Variants in PDZD2 observed in about 807,000 individuals in gnomAD.
The protein encoded by PDZD2 is PDZ domain-containing protein 2.
Under a neutral mutation model 220.7 loss-of-function variants are expected in PDZD2, and 90 were observed. The ratio of observed to expected loss-of-function variants is 0.41; its 90% confidence interval spans 0.34 to 0.49. The LOEUF (loss-of-function observed/expected upper bound fraction) is 0.49, where lower values mean the gene tolerates loss of function less well. Among genes scored for constraint, PDZD2 ranks in the 20% least tolerant of loss-of-function variants. PDZD2 has a pLI of 0.28. For synonymous variants in PDZD2, 1,375 were observed against 1,450.5 expected (o/e 0.95, Z 1.18); for missense variants, 3,174 against 3,608.5 (o/e 0.88, Z 3.08).
intron 1 of PDZD2, chr5:31,725,705 G>T: frequency 1.1e-6 from 1 of 905,722 alleles, no homozygotes; most frequent in Non-Finnish European, 1.9e-6. Flanking sequence ...GATGCCTCTA[G>T]TTTTGGTATG....
chr5:31,668,051 G>A (rs932254695), intron 1 of PDZD2, among the ~76,000 whole-genome samples: 2 of 151,724 alleles, frequency 1.3e-5, no homozygotes, highest in Non-Finnish European at 2.9e-5. Context: ...TAGTAAAGAC[G>A]GGGGTTTCAC....
intron 1 of PDZD2, among the ~76,000 whole-genome samples, chr5:31,676,503 T>C: frequency 6.6e-6 from 1 of 151,654 alleles, no homozygotes; most frequent in African/African-American, 2.4e-5. Context: ...AGAGACATTG[T>C]AGGAAGATGA....
Position 31,704,134 on chromosome 5 carries a change from T to C in PDZD2, c.-361+64697T>C, listed in dbSNP as rs370113321. 2.6e-5 allele frequency among the ~76,000 whole-genome samples: 4 copies of C among 152,086 alleles called. No individual in the cohort carries two copies. The South Asian group carries it at 8.3e-4, about 32-fold the overall frequency. On this transcript the variant is annotated intron_variant, in intron 1 of 24. Transcript: ENST00000438447. ...CTCAAGCAGTCCTCCCTCCTTAGCC[T>C]CCTTGGTAGCTGAGACTACAGGAAT... is the stretch of plus-strand genomic sequence containing the variant.
rs776400734 is a variant in PDZD2 at position 32,088,610 on chromosome 5, C to T, written c.5162C>T (p.Pro1721Leu). The change falls in exon 20 of 25, where the codon CCG (proline) becomes CTG (leucine). Residue 1721 changes from proline (P) to leucine (L), a missense_variant. By Grantham distance (98) the Pro-to-Leu change is moderately conservative (BLOSUM62 -3). Transcript: ENST00000438447. The surrounding 1 kb of genome is among the most constrained non-coding windows in gnomAD (Gnocchi z 4.6). ...LSKVARHFHS[P>L]PIILSSPNMV... ...AAAGTAGCCAGGCATTTTCACAGTC[C>T]GCCCATCATTCTCAGCTCCCCCAAC... is the stretch of plus-strand genomic sequence containing the variant. 48 of 1,613,988 alleles carry T rather than the reference C, an allele frequency of 3.0e-5. No individual in the cohort carries two copies. The South Asian group carries it at 4.2e-4, about 14-fold the overall frequency.
intron 2 of PDZD2, among the ~76,000 whole-genome samples, chr5:31,957,835 G>A (rs138280673): frequency 1.3e-3 from 201 of 152,154 alleles, no homozygotes; most frequent in South Asian, 2.7e-3. Context: ...ATTTATACAG[G>A]AGCAATCTCT....
At chr5:31,709,776 T>C (rs1000558961) in intron 1 of PDZD2, among the ~76,000 whole-genome samples, 36 of 152,138 alleles carry the variant, frequency 2.4e-4, no homozygotes, top group African/African-American at 8.4e-4. Flanking sequence ...GCCAACATGG[T>C]GAAACCCTGT....
rs567989514 is a variant in PDZD2 at position 32,058,106 on chromosome 5, G to A, written c.2200+3G>A. Reference sequence around the variant, plus strand: ...CATGGAAGTAACACTCAACAAAGGTGATAGCAGCTATTCCTTACCTTTGTC... The same window carrying A: ...CATGGAAGTAACACTCAACAAAGGTAATAGCAGCTATTCCTTACCTTTGTC... On this transcript the variant is annotated splice_donor_region_variant and intron_variant, in intron 12 of 24. Coordinates refer to ENST00000438447, the MANE Select transcript of PDZD2 (RefSeq NM_178140.4). 2.8e-6 allele frequency: 4 copies of A among 1,404,992 alleles called. No individual in the cohort carries two copies. Among genetic ancestry groups the A allele is most frequent in the Admixed American group, 1.7e-5 (1 of 59,706 alleles). The allele number at this position is 1,404,992 out of a possible 1,614,324, so 87.0% of individuals were successfully genotyped here. A position where few individuals can be genotyped will look rare whatever the true frequency, so the allele number is the denominator to read the frequency against.
intron 1 of PDZD2, among the ~76,000 whole-genome samples, chr5:31,797,331 T>A (rs144861814): frequency 2.4e-3 from 361 of 152,060 alleles, no homozygotes; most frequent in African/African-American, 8.4e-3. Context: ...ATGTAAAGGA[T>A]CTTTTAAAAT....
At chr5:31,835,359 C>T (rs922092502) in intron 2 of PDZD2, among the ~76,000 whole-genome samples, 3 of 152,300 alleles carry the variant, frequency 2.0e-5, no homozygotes, top group South Asian at 2.1e-4. Context: ...GTGGCTCACA[C>T]CTGTAATCTC....
Position 32,109,978 on chromosome 5 carries a change from C to A in PDZD2, c.*1843C>A, listed in dbSNP as rs930148039. ...AAAGGTCTTATTGATTTTACTTCTA[C>A]TTTTCACTACAGTTACAGGTAGAAT... On this transcript the variant is annotated 3_prime_UTR_variant, in exon 25 of 25. Transcript: ENST00000438447. 9 of 152,610 alleles carry A rather than the reference C, an allele frequency of 5.9e-5. No individual in the cohort carries two copies. Among genetic ancestry groups the A allele is most frequent in the African/African-American group, 2.2e-4 (9 of 41,432 alleles). The allele number at this position is 152,610 out of a possible 1,614,324, so 9.5% of individuals were successfully genotyped here.
intron 1 of PDZD2, among the ~76,000 whole-genome samples, chr5:31,760,218 T>C (rs1751548226): frequency 7.1e-6 from 1 of 139,980 alleles, no homozygotes; most frequent in South Asian, 2.2e-4. Context: ...ACTGAGCATC[T>C]ACAGGGCACT....
At chr5:31,791,998 G>T (rs1753757782) in intron 1 of PDZD2, among the ~76,000 whole-genome samples, 1 of 152,198 alleles carries the variant, frequency 6.6e-6, no homozygotes, top group Non-Finnish European at 1.5e-5. Flanking sequence ...CTAAAGGAAT[G>T]TTGGTGTAAC....
chr5:31,943,691 G>T (rs1327997703), intron 2 of PDZD2, among the ~76,000 whole-genome samples: 1 of 152,244 alleles, frequency 6.6e-6, no homozygotes, highest in East Asian at 1.9e-4. Context: ...AGAGAAGGAA[G>T]TGATTTGACC....
chr5:32,072,349 C>T (rs1365544843), intron 17 of PDZD2, 32 bp downstream of exon 17: 3 of 1,564,698 alleles, frequency 1.9e-6, no homozygotes, highest in African/African-American at 1.4e-5. Flanking sequence ...GGCCTGGGCT[C>T]TGCATTCCAG....
intron 2 of PDZD2, among the ~76,000 whole-genome samples, chr5:31,955,222 C>T (rs1747553844): frequency 6.6e-6 from 1 of 151,968 alleles, no homozygotes; most frequent in Non-Finnish European, 1.5e-5. Context: ...ACATGTGACC[C>T]TCTAGAATGC....
intron 5 of PDZD2, among the ~76,000 whole-genome samples, chr5:32,003,184 CACACACACT>C (rs1479130951): frequency 3.2e-5 from 4 of 123,158 alleles, no homozygotes; most frequent in Non-Finnish European, 6.7e-5. Flanking sequence ...CCATACACCA[CACACACACT>C]ACACACACCA....
intron 2 of PDZD2, among the ~76,000 whole-genome samples, chr5:31,848,401 T>C (rs1235706832): frequency 6.6e-6 from 1 of 152,228 alleles, no homozygotes; most frequent in Non-Finnish European, 1.5e-5. Context: ...AAGGTGAACC[T>C]TGATTTGAAT....
At chr5:31,726,014 G>A (rs1374154577) in intron 1 of PDZD2, 3 of 412,912 alleles carry the variant, frequency 7.3e-6, no homozygotes, top group Admixed American at 4.2e-5. Context: ...GATGCATAAT[G>A]GAGTAGAAAG....
intron 2 of PDZD2, among the ~76,000 whole-genome samples, chr5:31,828,031 T>C (rs1756334777): frequency 6.6e-6 from 1 of 152,238 alleles, no homozygotes. Context: ...GATTCAGAAC[T>C]TTACTTTGTT....
Sources: gnomAD v4.1 joint callset for allele counts (sites outside exome capture counted in the v4.1 genomes callset) on GRCh38, gnomAD v4.1.1 for gene constraint, Gnocchi (gnomAD v3.1) non-coding constraint, MANE v1.5 for transcripts, NCBI Gene and HGNC (gene_info 2026-07-23, HGNC 2026-07-21) for gene names.